Variants in UTRN observed in about 807,000 individuals in gnomAD.
UTRN encodes utrophin.
In UTRN, 283 loss-of-function variants were observed where a neutral mutation model predicts 463.9. The observed-to-expected ratio is 0.61, with a 90% CI of 0.55 to 0.67. UTRN has a LOEUF of 0.67. Ranked by LOEUF, UTRN falls within the 30% of genes least tolerant of loss-of-function variation. The pLI is 0.00. For missense variants in UTRN, 3,922 were observed against 4,084.3 expected (o/e 0.96, Z 1.08); for synonymous variants, 1,442 against 1,431.5 (o/e 1.01, Z -0.17).
chr6:144,521,897 A>G (rs1244189607), intron 39 of UTRN, 83 bp from the exon 40 acceptor site: 2 of 941,792 alleles, frequency 2.1e-6, no homozygotes, highest in African/African-American at 3.4e-5. Context: ...TCCTTCACAC[A>G]ATAGTCTTGT....
At chr6:144,405,792 A>G (rs540722399) in intron 3 of UTRN, among the ~76,000 whole-genome samples, 2 of 152,340 alleles carry the variant, frequency 1.3e-5, no homozygotes, top group African/African-American at 2.4e-5. Context: ...CAATACCTAC[A>G]TATATTCAAA....
At chr6:144,565,363 A>G (rs1275479528) in intron 50 of UTRN, among the ~76,000 whole-genome samples, 3 of 152,204 alleles carry the variant, frequency 2.0e-5, no homozygotes, top group Non-Finnish European at 4.4e-5. Context: ...TGGAACTCAG[A>G]TGTTCTGGAC....
chr6:144,339,231 A>T (rs1016302134), intron 2 of UTRN, among the ~76,000 whole-genome samples: 1 of 152,172 alleles, frequency 6.6e-6, no homozygotes, highest in African/African-American at 2.4e-5. Context: ...TTCTGGAAAG[A>T]CTCAAAAGTT....
intron 17 of UTRN, among the ~76,000 whole-genome samples, chr6:144,450,069 A>G (rs979242656): frequency 9.2e-5 from 14 of 152,014 alleles, no homozygotes; most frequent in African/African-American, 3.1e-4. Flanking sequence ...CCTTCTCAAC[A>G]CCTCTCAAAC....
chr6:144,482,200 T>A lies in UTRN; in HGVS notation c.3508-9T>A, dbSNP rs1302315841. ...GTTTTTCAAGTTCATCCATCCTTTCTTGGAACAGAGGGCAAAAGAGGATGT... is the reference window on the plus strand; with the variant it reads ...GTTTTTCAAGTTCATCCATCCTTTCATGGAACAGAGGGCAAAAGAGGATGT... On this transcript the variant is annotated splice_polypyrimidine_tract_variant and intron_variant, in intron 26 of 74. Coordinates refer to ENST00000367545, the MANE Select transcript of UTRN (RefSeq NM_007124.3). 1 of 1,442,092 alleles carries A rather than the reference T, an allele frequency of 6.9e-7. No individual in the cohort carries two copies. The highest frequency in any genetic ancestry group is 9.2e-7 in the Non-Finnish European group (1 of 1,088,438). The allele number at this position is 1,442,092 out of a possible 1,614,324, so 89.3% of individuals were successfully genotyped here.
intron 2 of UTRN, among the ~76,000 whole-genome samples, chr6:144,329,740 A>G (rs1045246266): frequency 6.6e-6 from 1 of 152,062 alleles, no homozygotes; most frequent in Non-Finnish European, 1.5e-5. Context: ...AAGTTCATGG[A>G]CCCCCTGCCT....
At chr6:144,319,528 G>A (rs1410630599) in intron 2 of UTRN, among the ~76,000 whole-genome samples, 1 of 152,174 alleles carries the variant, frequency 6.6e-6, no homozygotes, top group Non-Finnish European at 1.5e-5. Flanking sequence ...TATACCATAA[G>A]ATTTAGTTGA....
chr6:144,449,458 T>C (rs1316821829), intron 17 of UTRN, among the ~76,000 whole-genome samples: 5 of 152,192 alleles, frequency 3.3e-5, no homozygotes, highest in African/African-American at 9.7e-5. Flanking sequence ...CCTGCGATCA[T>C]TGCATCACTC....
intron 50 of UTRN, among the ~76,000 whole-genome samples, chr6:144,575,268 A>G (rs1258036034): frequency 6.6e-6 from 1 of 152,224 alleles, no homozygotes; most frequent in African/African-American, 2.4e-5. Context: ...AATAAAAAAA[A>G]TGCCAAAAAG....
At chr6:144,469,299 T>A (rs1176109500) in intron 23 of UTRN, among the ~76,000 whole-genome samples, 1 of 152,220 alleles carries the variant, frequency 6.6e-6, no homozygotes, top group African/African-American at 2.4e-5. Context: ...GTGGTAACTC[T>A]TTTATGGTCT....
At chr6:144,429,556 G>C in intron 8 of UTRN, 25 bp from the exon 9 acceptor site, 1 of 1,582,770 alleles carries the variant, frequency 6.3e-7, no homozygotes, top group Non-Finnish European at 8.6e-7. Flanking sequence ...AATTTAAGCT[G>C]GTTCTTATAT....
At chr6:144,372,478 A>G (rs1780081955) in intron 2 of UTRN, among the ~76,000 whole-genome samples, 2 of 152,122 alleles carry the variant, frequency 1.3e-5, no homozygotes, top group Admixed American at 6.6e-5. Context: ...GCAATAGATA[A>G]AGAAGTCTTT....
intron 29 of UTRN, 53 bp from the exon 30 acceptor site, chr6:144,488,620 T>G: frequency 6.4e-7 from 1 of 1,574,484 alleles, no homozygotes; most frequent in South Asian, 1.2e-5. Flanking sequence ...ATATATATTC[T>G]GCTATTTATA....
chr6:144,587,759 G>T (rs552090136), intron 51 of UTRN, among the ~76,000 whole-genome samples: 106 of 152,186 alleles, frequency 7.0e-4, no homozygotes, highest in Non-Finnish European at 1.3e-3. Context: ...TGATCTGATT[G>T]TTGAGATGTG....
At chr6:144,432,209 C>T (rs1728036812) in intron 9 of UTRN, among the ~76,000 whole-genome samples, 1 of 152,170 alleles carries the variant, frequency 6.6e-6, no homozygotes, top group South Asian at 2.1e-4. Flanking sequence ...GGACTTTTCC[C>T]CCAAGACTCT....
chr6:144,609,146 G>A (rs1433348342), intron 51 of UTRN, among the ~76,000 whole-genome samples: 3 of 152,148 alleles, frequency 2.0e-5, no homozygotes, highest in Admixed American at 6.5e-5. Flanking sequence ...AAGATACAGA[G>A]TAGCCAAATG....
rs74380091 is a variant in UTRN at position 144,287,212 on chromosome 6, G to A, written c.-93+1391G>A. ...GTGGGTAGTTCTGCGGTGACGGACA[G>A]GGTTGGCGTGGAACCATTCCCCGCC... On this transcript the variant is annotated intron_variant, in intron 1 of 74. Transcript: ENST00000367545. 8.5e-3 allele frequency among the ~76,000 whole-genome samples: 1,290 copies of A among 152,304 alleles called. 80 individuals carry two copies. In the East Asian group the frequency reaches 0.16, roughly 19 times the overall value.
intron 55 of UTRN, among the ~76,000 whole-genome samples, chr6:144,751,453 A>G (rs961336848): frequency 6.6e-6 from 1 of 152,184 alleles, no homozygotes; most frequent in Admixed American, 6.5e-5. Flanking sequence ...TTGAGTGGGC[A>G]ACTGTAGTTG....
chr6:144,623,306 A>AT (rs1775616885), intron 51 of UTRN, among the ~76,000 whole-genome samples: 1 of 152,156 alleles, frequency 6.6e-6, no homozygotes, highest in Admixed American at 6.5e-5. Flanking sequence ...ATATAAATTC[A>AT]TTTTTTCAAT....
Sources: allele counts gnomAD v4.1 joint callset (sites outside exome capture counted in the v4.1 genomes callset), GRCh38; gene constraint gnomAD v4.1.1; transcripts MANE v1.5; gene names NCBI Gene and HGNC (gene_info 2026-07-23, HGNC 2026-07-21).